The following WWC2 variants were observed in gnomAD, a reference collection of about 807,000 sequenced individuals.
WWC2 encodes WW and C2 domain containing 2.
WWC2 carries 101 observed loss-of-function variants against 138.5 expected under a neutral mutation model. The ratio of observed to expected loss-of-function variants is 0.73; its 90% CI spans 0.62 to 0.86. WWC2 has a LOEUF of 0.86. Among genes scored for constraint, WWC2 ranks in the 40% least tolerant of loss-of-function variants. The probability of loss-of-function intolerance (pLI) is 0.00; values close to 1 mark genes in which losing one functional copy is unlikely to be tolerated. For synonymous variants in WWC2, 558 were observed against 538.4 expected (o/e 1.04, Z -0.50); for missense variants, 1,420 against 1,419.4 (o/e 1.00, Z -0.01).
intron 1 of WWC2, among the ~76,000 whole-genome samples, chr4:183,106,461 C>T (rs1743364894): frequency 6.6e-6 from 1 of 152,120 alleles, no homozygotes. Context: ...ATTTTGAAGA[C>T]TACACCTTAG....
chr4:183,176,109 G>A (rs558470301), intron 1 of WWC2, among the ~76,000 whole-genome samples: 63 of 152,314 alleles, frequency 4.1e-4, no homozygotes, highest in African/African-American at 1.4e-3. Context: ...CATTCCATAT[G>A]TCTAATTTTT....
At chr4:183,212,718 G>T (rs1236392913) in intron 4 of WWC2, among the ~76,000 whole-genome samples, 1 of 152,136 alleles carries the variant, frequency 6.6e-6, no homozygotes, top group East Asian at 1.9e-4. Flanking sequence ...AAATATATTA[G>T]GATATCTCAT....
At position 183,231,500 on chromosome 4, in the gene WWC2, C is replaced by T. The variant is rs183009247; in HGVS notation, c.523-8683C>T. On this transcript the variant is annotated intron_variant, in intron 4 of 22. Coordinates refer to ENST00000403733, the MANE Select transcript of WWC2 (RefSeq NM_024949.6). Reference sequence around the variant, plus strand: ...GGCCAGGCTGATCTTGAACTCCCGACCTCAAGTGATCCACCTGCCTTGGCC... The same window carrying T: ...GGCCAGGCTGATCTTGAACTCCCGATCTCAAGTGATCCACCTGCCTTGGCC... 3.3e-3 allele frequency among the ~76,000 whole-genome samples: 499 copies of T among 151,946 alleles called. 2 individuals are homozygous for T. Among genetic ancestry groups the T allele is most frequent in the Middle Eastern group, 6.8e-3 (2 of 292 alleles).
At chr4:183,294,330 A>G (rs1738560982) in intron 21 of WWC2, among the ~76,000 whole-genome samples, 1 of 152,198 alleles carries the variant, frequency 6.6e-6, no homozygotes, top group African/African-American at 2.4e-5. Context: ...GTAAAGGTCA[A>G]AGAATAGCCA....
chr4:183,119,374 G>A (rs758718676), intron 1 of WWC2, among the ~76,000 whole-genome samples: 4 of 152,138 alleles, frequency 2.6e-5, no homozygotes, highest in South Asian at 2.1e-4. Context: ...AATATAGGAC[G>A]AAGTGAAGAG....
chr4:183,220,788 C>T (rs556397827), intron 4 of WWC2, among the ~76,000 whole-genome samples: 16 of 150,908 alleles, frequency 1.1e-4, no homozygotes, highest in African/African-American at 2.7e-4. Context: ...GAGCCAACAT[C>T]GTGCCACTGC....
At chr4:183,176,455 C>T (rs1450012476) in intron 1 of WWC2, among the ~76,000 whole-genome samples, 1 of 152,120 alleles carries the variant, frequency 6.6e-6, no homozygotes, top group African/African-American at 2.4e-5. Flanking sequence ...CGCAGTATCA[C>T]TCTGTCACTC....
intron 2 of WWC2, among the ~76,000 whole-genome samples, chr4:183,204,591 A>C (rs1279746125): frequency 2.0e-5 from 3 of 152,222 alleles, no homozygotes; most frequent in African/African-American, 7.2e-5. Context: ...TGTAAAGCAT[A>C]TTTTAATAAT....
At chr4:183,305,422 A>C (rs1738992990) in intron 21 of WWC2, among the ~76,000 whole-genome samples, 1 of 152,084 alleles carries the variant, frequency 6.6e-6, no homozygotes, top group South Asian at 2.1e-4. Context: ...AACACCAAGC[A>C]AAATAAATAC....
chr4:183,282,538 A>G, intron 17 of WWC2, 170 bp from the exon 18 acceptor site: 1 of 664,220 alleles, frequency 1.5e-6, no homozygotes. Flanking sequence ...TAGAGGGTGA[A>G]GAGAGGATTT....
intron 9 of WWC2, among the ~76,000 whole-genome samples, chr4:183,255,169 G>T (rs1488426342): frequency 6.6e-6 from 1 of 152,152 alleles, no homozygotes; most frequent in African/African-American, 2.4e-5. Context: ...ATAATCTTCT[G>T]CCCTCTTAAT....
At position 183,316,142 on chromosome 4, in the gene WWC2, C is replaced by T. The variant is rs560841622; in HGVS notation, c.*413C>T. On this transcript the variant is annotated 3_prime_UTR_variant, in exon 23 of 23. Transcript: ENST00000403733. The stretch of plus-strand genomic sequence containing the variant: ...GAGTAGGCTGTGCCGATGGCAGCAG[C>T]GCCACGTGGTATCTGTGCGCTGGCG... The T allele has an allele frequency of 1.1e-4, 19 of 176,086 alleles. No individual in the cohort carries two copies. In the South Asian group the frequency reaches 2.2e-3, roughly 20 times the overall value. The allele number at this position is 176,086 out of a possible 1,614,324, so 10.9% of individuals were successfully genotyped here.
chr4:183,109,215 A>G (rs2152887183), intron 1 of WWC2, among the ~76,000 whole-genome samples: 1 of 152,346 alleles, frequency 6.6e-6, no homozygotes, highest in Middle Eastern at 3.4e-3. Context: ...AAACAAAAAT[A>G]AAGAAGAATA....
At chr4:183,253,654 G>GA in intron 8 of WWC2, 103 bp from the exon 9 acceptor site, 2 of 1,421,158 alleles carry the variant, frequency 1.4e-6, no homozygotes, top group East Asian at 4.6e-5. Flanking sequence ...GTCAAGTTAG[G>GA]AAAATCTGGA....
chr4:183,104,094 G>T (rs1483688893), intron 1 of WWC2, among the ~76,000 whole-genome samples: 1 of 152,058 alleles, frequency 6.6e-6, no homozygotes. Context: ...CGAGTAGCTG[G>T]GATTACAGGC....
In WWC2 at chr4:183,166,730, T is replaced by G. The variant is rs545858259; in HGVS notation, c.132-26869T>G. On this transcript the variant is annotated intron_variant, in intron 1 of 22. Coordinates refer to ENST00000403733, the MANE Select transcript of WWC2 (RefSeq NM_024949.6). ...ATACAAAGATCAGTGATTACAGCCC[T>G]GGACCCTCAGGTGTCTAGAATATAT... 5.3e-5 allele frequency among the ~76,000 whole-genome samples: 8 copies of G among 152,346 alleles called. No homozygotes were observed. In the South Asian group the frequency reaches 1.2e-3, roughly 24 times the overall value.
At chr4:183,129,653 A>T (rs576967439) in intron 1 of WWC2, among the ~76,000 whole-genome samples, 20 of 152,284 alleles carry the variant, frequency 1.3e-4, no homozygotes, top group South Asian at 4.1e-4. Context: ...GTTCTTTCTA[A>T]GTCTTGATAA....
intron 1 of WWC2, among the ~76,000 whole-genome samples, chr4:183,134,277 CTAT>C (rs1036719462): frequency 8.7e-5 from 13 of 150,200 alleles, no homozygotes; most frequent in Admixed American, 6.6e-4. Context: ...TTTTCTGTGC[CTAT>C]TATTAATATT....
rs147023681 is a variant in WWC2, at chr4:183,228,072, G to T, written c.523-12111G>T. 3.2e-3 allele frequency among the ~76,000 whole-genome samples: 488 copies of T among 152,078 alleles called. 10 individuals are homozygous for T. The highest frequency in any genetic ancestry group is 0.011 in the African/African-American group (476 of 41,428). ...AAAATCTACCTATATGATACTTAAA[G>T]AGACACCTAACAACAAAGATACAGA... On this transcript the variant is annotated intron_variant, in intron 4 of 22. Coordinates refer to ENST00000403733, the MANE Select transcript of WWC2 (RefSeq NM_024949.6).
Sources: gnomAD v4.1 joint callset for allele counts (sites outside exome capture counted in the v4.1 genomes callset) on GRCh38, gnomAD v4.1.1 for gene constraint, MANE v1.5 for transcripts, NCBI Gene and HGNC (gene_info 2026-07-23, HGNC 2026-07-21) for gene names.